The following LDLRAD3 variants were observed in gnomAD, a reference collection of about 807,000 sequenced individuals.
LDLRAD3 encodes the protein low-density lipoprotein receptor class A domain-containing protein 3.
Under a neutral mutation model 29.4 loss-of-function variants are expected in LDLRAD3, and 20 were observed. The ratio of observed to expected loss-of-function variants is 0.68; its 90% CI spans 0.48 to 0.99. The LOEUF (loss-of-function observed/expected upper bound fraction) is 0.99. LDLRAD3 is among the 50% of genes least tolerant of loss of function. LDLRAD3 has a pLI of 0.00. For synonymous variants in LDLRAD3, 157 were observed against 192.7 expected (o/e 0.81, Z 1.53); for missense variants, 420 against 454.3 (o/e 0.92, Z 0.69).
intron 4 of LDLRAD3, among the ~76,000 whole-genome samples, chr11:36,166,732 C>T (rs940424217): frequency 1.3e-5 from 2 of 152,060 alleles, no homozygotes; most frequent in Non-Finnish European, 2.9e-5. Context: ...ATCTTCTAGC[C>T]CAGTACTTCT....
At chr11:36,180,531 C>G (rs1485284328) in intron 4 of LDLRAD3, among the ~76,000 whole-genome samples, 1 of 152,042 alleles carries the variant, frequency 6.6e-6, no homozygotes, top group South Asian at 2.1e-4. Context: ...CAGCTGAAGA[C>G]AGGAGGCGTG....
At chr11:35,966,049 A>G (rs1851337228) in intron 1 of LDLRAD3, among the ~76,000 whole-genome samples, 1 of 152,250 alleles carries the variant, frequency 6.6e-6, no homozygotes, top group Non-Finnish European at 1.5e-5. Context: ...TCTCTAACGT[A>G]AATTTTTCAT....
At chr11:35,999,568 A>G (rs1267155662) in intron 1 of LDLRAD3, among the ~76,000 whole-genome samples, 2 of 151,666 alleles carry the variant, frequency 1.3e-5, no homozygotes, top group Non-Finnish European at 2.9e-5. Flanking sequence ...CCTACCCACT[A>G]CTTTCTCCAG....
At chr11:35,949,203 C>T (rs1166690201) in intron 1 of LDLRAD3, among the ~76,000 whole-genome samples, 2 of 152,150 alleles carry the variant, frequency 1.3e-5, no homozygotes, top group Non-Finnish European at 2.9e-5. Context: ...CTTTCCCTCT[C>T]GCTTTCCTCT....
intron 4 of LDLRAD3, among the ~76,000 whole-genome samples, chr11:36,185,615 A>C (rs1854836711): frequency 6.6e-6 from 1 of 152,150 alleles, no homozygotes. Context: ...GGGCTCCCTC[A>C]CTGTCGAGTT....
intron 2 of LDLRAD3, among the ~76,000 whole-genome samples, chr11:36,040,647 G>T (rs1409830707): frequency 2.6e-5 from 4 of 152,094 alleles, no homozygotes; most frequent in South Asian, 2.1e-4. Context: ...CAGGAGGGTG[G>T]ACATGACTTT....
intron 2 of LDLRAD3, among the ~76,000 whole-genome samples, chr11:36,055,486 C>T (rs1852604892): frequency 6.6e-6 from 1 of 152,168 alleles, no homozygotes; most frequent in South Asian, 2.1e-4. Context: ...ACAGAGGGTT[C>T]CTGGCAGCCT....
At chr11:36,073,088 G>C (rs768242708) in intron 2 of LDLRAD3, among the ~76,000 whole-genome samples, 1 of 152,230 alleles carries the variant, frequency 6.6e-6, no homozygotes, top group African/African-American at 2.4e-5. Context: ...CTCATTGCTG[G>C]TGTTTTTGTA....
At chr11:36,164,338 A>G (rs144258611) in intron 4 of LDLRAD3, among the ~76,000 whole-genome samples, 2 of 152,374 alleles carry the variant, frequency 1.3e-5, no homozygotes, top group African/African-American at 4.8e-5. Flanking sequence ...AGAGTCAGCC[A>G]CTTAGAACAT....
At chr11:36,098,108 A>T (rs938670478) in intron 3 of LDLRAD3, among the ~76,000 whole-genome samples, 1 of 152,154 alleles carries the variant, frequency 6.6e-6, no homozygotes, top group Non-Finnish European at 1.5e-5. Context: ...AGAGTGGCAG[A>T]TCTCTCCAAA....
Position 36,100,233 on chromosome 11 carries a change from T to C in LDLRAD3, c.454+1772T>C, listed in dbSNP as rs550730914. Among the ~76,000 whole-genome samples the C allele has an allele frequency of 1.6e-4, 25 of 152,338 alleles. No homozygotes were observed. In the South Asian group the frequency reaches 5.0e-3, roughly 30 times the overall value. On this transcript the variant is annotated intron_variant, in intron 4 of 5. Coordinates refer to ENST00000315571, the MANE Select transcript of LDLRAD3 (RefSeq NM_174902.4). The stretch of plus-strand genomic sequence containing the variant: ...TCTACAGTCACCTGAGAGAGGTTTA[T>C]AATCCTGCCATTTGCCTAGAAATTT...
intron 1 of LDLRAD3, among the ~76,000 whole-genome samples, chr11:35,953,674 A>C (rs1851166036): frequency 6.6e-6 from 1 of 152,132 alleles, no homozygotes. Flanking sequence ...AAGCCTCTTG[A>C]TTGATTTGGA....
intron 2 of LDLRAD3, among the ~76,000 whole-genome samples, chr11:36,073,496 A>G (rs1453194332): frequency 6.6e-6 from 1 of 152,266 alleles, no homozygotes; most frequent in Non-Finnish European, 1.5e-5. Context: ...AGAGAGGGAC[A>G]GTCGGGGCCT....
chr11:36,220,025 T>C (rs945066112), intron 4 of LDLRAD3, among the ~76,000 whole-genome samples: 3 of 152,142 alleles, frequency 2.0e-5, no homozygotes, highest in Non-Finnish European at 2.9e-5. Context: ...AATAAACACT[T>C]CATTAAAGAA....
chr11:35,990,479 G>A (rs933500229), intron 1 of LDLRAD3, among the ~76,000 whole-genome samples: 3 of 151,646 alleles, frequency 2.0e-5, no homozygotes, highest in African/African-American at 4.8e-5. Flanking sequence ...GTTCAGTGGC[G>A]TGATCTCAGC....
At chr11:36,141,210 A>C (rs1854082207) in intron 4 of LDLRAD3, among the ~76,000 whole-genome samples, 1 of 152,210 alleles carries the variant, frequency 6.6e-6, no homozygotes, top group South Asian at 2.1e-4. Context: ...GATAATGTTT[A>C]TTTAATAAGA....
chr11:36,150,069 C>T (rs780311473), intron 4 of LDLRAD3, among the ~76,000 whole-genome samples: 7 of 152,162 alleles, frequency 4.6e-5, no homozygotes, highest in Non-Finnish European at 1.0e-4. Flanking sequence ...TTGAACTATC[C>T]ACCAGGCTGC....
intron 1 of LDLRAD3, among the ~76,000 whole-genome samples, chr11:36,010,865 G>A (rs1418687152): frequency 6.6e-6 from 1 of 152,218 alleles, no homozygotes; most frequent in East Asian, 1.9e-4. Flanking sequence ...GAGTGTGATG[G>A]TGCGATCTTG....
intron 4 of LDLRAD3, among the ~76,000 whole-genome samples, chr11:36,225,002 G>A (rs1334519859): frequency 2.0e-5 from 3 of 152,122 alleles, no homozygotes; most frequent in Non-Finnish European, 4.4e-5. Context: ...TTCCCATTGA[G>A]TGGCAGGTAT....
Sources: gnomAD v4.1 joint callset for allele counts (sites outside exome capture counted in the v4.1 genomes callset) on GRCh38, gnomAD v4.1.1 for gene constraint, MANE v1.5 for transcripts, NCBI Gene and HGNC (gene_info 2026-07-23, HGNC 2026-07-21) for gene names.